The following ARHGAP15 variants were observed in gnomAD, a reference collection of about 807,000 sequenced individuals.
ARHGAP15 encodes rho GTPase-activating protein 15.
Under a neutral mutation model 63.7 loss-of-function variants are expected in ARHGAP15, and 51 were observed. The observed-to-expected ratio is 0.80, with a 90% CI of 0.64 to 1.01. ARHGAP15 has a LOEUF of 1.01. Among genes scored for constraint, ARHGAP15 ranks in the 50% least tolerant of loss-of-function variants. ARHGAP15 has a pLI of 0.00. For synonymous variants in ARHGAP15, 191 were observed against 193.8 expected (o/e 0.99, Z 0.12); for missense variants, 560 against 564.6 (o/e 0.99, Z 0.08).
At chr2:143,134,555 A>G (rs549690485) in intron 1 of ARHGAP15, among the ~76,000 whole-genome samples, 2 of 152,188 alleles carry the variant, frequency 1.3e-5, no homozygotes. Context: ...GACTTTAGTG[A>G]CACTCAAGCC....
chr2:143,221,642 C>T (rs1208533839), intron 4 of ARHGAP15, among the ~76,000 whole-genome samples: 1 of 152,164 alleles, frequency 6.6e-6, no homozygotes, highest in Non-Finnish European at 1.5e-5. Context: ...ATACACCTGA[C>T]AGTATGTTTA....
chr2:143,683,440 A>AC (rs1304751816), intron 12 of ARHGAP15, among the ~76,000 whole-genome samples: 1 of 152,156 alleles, frequency 6.6e-6, no homozygotes, highest in Non-Finnish European at 1.5e-5. Flanking sequence ...TTTTGAAAAA[A>AC]AAACATATTG....
rs1284038561 is a variant in ARHGAP15 at position 143,536,512 on chromosome 2, A to G, written c.925+17148A>G. Among the ~76,000 whole-genome samples the G allele has an allele frequency of 7.2e-5, 10 of 138,590 alleles. No homozygotes were observed. The East Asian group carries it at 2.0e-3, about 28-fold the overall frequency. The allele number at this position is 138,590 out of a possible 152,430, so 90.9% of individuals were successfully genotyped here. A position where few individuals can be genotyped will look rare whatever the true frequency, so the allele number is the denominator to read the frequency against. On this transcript the variant is annotated intron_variant, in intron 10 of 13. Transcript: ENST00000295095. ...AGCATTAGGTATATCTCCTAATGCT[A>G]TCCCTCCCCCCTCCCCCCACCCCAC... is the stretch of plus-strand genomic sequence containing the variant.
At chr2:143,622,778 A>G (rs1210618126) in intron 11 of ARHGAP15, among the ~76,000 whole-genome samples, 1 of 66,008 alleles carries the variant, frequency 1.5e-5, no homozygotes, top group Non-Finnish European at 3.2e-5. Context: ...TCGTTCATTT[A>G]TTTAAAAAAA....
intron 6 of ARHGAP15, among the ~76,000 whole-genome samples, chr2:143,313,035 A>AAT (rs1476223890): frequency 1.3e-5 from 2 of 152,166 alleles, no homozygotes; most frequent in Non-Finnish European, 2.9e-5. Context: ...AATTTACTGT[A>AAT]ATACTGTATT....
chr2:143,574,256 A>G (rs1411812987), intron 11 of ARHGAP15, among the ~76,000 whole-genome samples: 1 of 152,120 alleles, frequency 6.6e-6, no homozygotes, highest in Non-Finnish European at 1.5e-5. Context: ...GTAATGCCTC[A>G]GATTTCTAAG....
chr2:143,270,015 C>T (rs925567937), intron 6 of ARHGAP15, among the ~76,000 whole-genome samples: 5 of 152,096 alleles, frequency 3.3e-5, no homozygotes, highest in Non-Finnish European at 5.9e-5. Flanking sequence ...TCTTGTCGCC[C>T]GGGCTGGTGT....
At chr2:143,340,977 A>G (rs2105286053) in intron 6 of ARHGAP15, among the ~76,000 whole-genome samples, 1 of 152,232 alleles carries the variant, frequency 6.6e-6, no homozygotes, top group Non-Finnish European at 1.5e-5. Context: ...GGCCAACGTA[A>G]GACAGGTAGC....
intron 4 of ARHGAP15, among the ~76,000 whole-genome samples, chr2:143,228,337 A>T (rs7421045): frequency 0.31 from 46,459 of 151,996 alleles, 7,333 homozygotes; most frequent in South Asian, 0.47. Flanking sequence ...TGAAAAAGAT[A>T]TTAGGAGGAT....
intron 11 of ARHGAP15, among the ~76,000 whole-genome samples, chr2:143,592,283 CCAGT>C (rs752451027): frequency 6.6e-6 from 1 of 152,160 alleles, no homozygotes; most frequent in Admixed American, 6.5e-5. Flanking sequence ...TGGAAAATCT[CCAGT>C]CAAACTCTGA....
intron 4 of ARHGAP15, among the ~76,000 whole-genome samples, chr2:143,224,003 T>G (rs1693103373): frequency 6.6e-6 from 1 of 152,242 alleles, no homozygotes; most frequent in African/African-American, 2.4e-5. Context: ...ATTTTCCATC[T>G]CTTTTCAGCC....
In ARHGAP15 at chr2:143,428,496, T is replaced by G. The variant is rs143725181; in HGVS notation, c.475-7105T>G. Among the ~76,000 whole-genome samples, 14 of 151,900 alleles carry G rather than the reference T, an allele frequency of 9.2e-5. No homozygotes were observed. In the East Asian group the frequency reaches 2.7e-3, roughly 30 times the overall value. On this transcript the variant is annotated intron_variant, in intron 6 of 13. Coordinates refer to ENST00000295095, the MANE Select transcript of ARHGAP15 (RefSeq NM_018460.4). ...TTTGGCTGCAATATATAGTATGGAC[T>G]TGAAGGAAAAACATGGATGAGACAG...
intron 12 of ARHGAP15, among the ~76,000 whole-genome samples, chr2:143,661,842 G>A (rs1179380625): frequency 2.6e-5 from 4 of 152,174 alleles, no homozygotes; most frequent in Non-Finnish European, 2.9e-5. Context: ...ACTCCCACCC[G>A]AATATTACGC....
chr2:143,759,768 C>T (rs1378087368), intron 13 of ARHGAP15, among the ~76,000 whole-genome samples: 1 of 152,146 alleles, frequency 6.6e-6, no homozygotes, highest in Non-Finnish European at 1.5e-5. Flanking sequence ...GAGGGCTTCC[C>T]TGAGCACTCC....
chr2:143,324,456 C>T (rs1367079292), intron 6 of ARHGAP15, among the ~76,000 whole-genome samples: 2 of 152,088 alleles, frequency 1.3e-5, no homozygotes, highest in Non-Finnish European at 2.9e-5. Flanking sequence ...ACATATTTTC[C>T]GTGGAAGAAA....
chr2:143,616,740 T>G (rs948333515), intron 11 of ARHGAP15, among the ~76,000 whole-genome samples: 34 of 152,214 alleles, frequency 2.2e-4, no homozygotes, highest in African/African-American at 8.2e-4. Flanking sequence ...GGAACCATTT[T>G]CAAACATAGG....
At chr2:143,446,762 A>T (rs1429965130) in intron 8 of ARHGAP15, among the ~76,000 whole-genome samples, 1 of 147,340 alleles carries the variant, frequency 6.8e-6, no homozygotes, top group Admixed American at 6.7e-5. Flanking sequence ...ATATCTCCCA[A>T]TGCTATCCCT....
intron 13 of ARHGAP15, among the ~76,000 whole-genome samples, chr2:143,743,479 G>A (rs749417462): frequency 6.6e-6 from 1 of 152,070 alleles, no homozygotes; most frequent in Non-Finnish European, 1.5e-5. Context: ...TGTGGTTCCC[G>A]CAGATGTTCT....
chr2:143,323,849 C>T (rs1456572067), intron 6 of ARHGAP15, among the ~76,000 whole-genome samples: 2 of 133,092 alleles, frequency 1.5e-5, no homozygotes, highest in Non-Finnish European at 3.1e-5. Context: ...GAGCCGAGAT[C>T]GCACCACTGC....
Sources: allele counts gnomAD v4.1 joint callset (sites outside exome capture counted in the v4.1 genomes callset), GRCh38; gene constraint gnomAD v4.1.1; transcripts MANE v1.5; gene names NCBI Gene and HGNC (gene_info 2026-07-23, HGNC 2026-07-21).